The following EPHA3 variants were observed in gnomAD, a reference collection of about 807,000 sequenced individuals.
EPHA3 encodes EPH receptor A3, also known as ephrin type-A receptor 3.
In EPHA3, 42 loss-of-function variants were observed where a neutral mutation model predicts 107.1. The observed-to-expected ratio is 0.39, with a 90% CI of 0.31 to 0.51. The LOEUF (loss-of-function observed/expected upper bound fraction) is 0.51. Ranked by LOEUF, EPHA3 falls within the 20% of genes least tolerant of loss-of-function variation. The pLI, the probability that EPHA3 is intolerant of heterozygous loss-of-function variation, is 0.78. For missense variants in EPHA3, 1,183 were observed against 1,211.2 expected (o/e 0.98, Z 0.35); for synonymous variants, 461 against 424.8 (o/e 1.09, Z -1.05).
At chr3:89,447,864 C>T (rs1291896045) in intron 13 of EPHA3, among the ~76,000 whole-genome samples, 4 of 152,114 alleles carry the variant, frequency 2.6e-5, no homozygotes, top group Admixed American at 2.0e-4. Flanking sequence ...ATTGCTAATC[C>T]ATTTGTGTAA....
intron 10 of EPHA3, among the ~76,000 whole-genome samples, chr3:89,418,957 T>A (rs1312408112): frequency 4.0e-5 from 6 of 151,432 alleles, no homozygotes; most frequent in African/African-American, 1.5e-4. Context: ...TTATTTATAG[T>A]GTCGTACTTT....
chr3:89,223,447 A>T (rs1323766561), intron 3 of EPHA3, among the ~76,000 whole-genome samples: 1 of 152,198 alleles, frequency 6.6e-6, no homozygotes, highest in Non-Finnish European at 1.5e-5. Flanking sequence ...GCCATAAAGA[A>T]ATTTAAACAT....
intron 3 of EPHA3, among the ~76,000 whole-genome samples, chr3:89,228,393 C>T (rs572184701): frequency 6.6e-6 from 1 of 151,990 alleles, no homozygotes; most frequent in African/African-American, 2.4e-5. Context: ...TATTCACATA[C>T]AGGGCTGATA....
At chr3:89,429,666 A>G (rs1290489605) in intron 12 of EPHA3, among the ~76,000 whole-genome samples, 2 of 152,058 alleles carry the variant, frequency 1.3e-5, no homozygotes. Context: ...TTAATTTTTT[A>G]GATTGAGAAG....
chr3:89,320,258 C>A (rs1003473317), intron 3 of EPHA3, among the ~76,000 whole-genome samples: 1 of 151,978 alleles, frequency 6.6e-6, no homozygotes, highest in African/African-American at 2.4e-5. Flanking sequence ...TTCCATGACA[C>A]CCAAGCCTTT....
chr3:89,127,158 A>C, intron 1 of EPHA3, 51 bp from the exon 2 acceptor site: 1 of 1,414,652 alleles, frequency 7.1e-7, no homozygotes, highest in Non-Finnish European at 1.0e-6. Flanking sequence ...AGAAGCAAAT[A>C]GAAATAATTC....
intron 15 of EPHA3, among the ~76,000 whole-genome samples, chr3:89,452,362 T>A (rs1710010655): frequency 1.3e-5 from 2 of 152,182 alleles, no homozygotes; most frequent in South Asian, 2.1e-4. Flanking sequence ...CTAACAGTTG[T>A]TATCTTTTGA....
intron 2 of EPHA3, among the ~76,000 whole-genome samples, chr3:89,204,326 C>G (rs928218156): frequency 6.6e-6 from 1 of 152,104 alleles, no homozygotes; most frequent in Non-Finnish European, 1.5e-5. Context: ...ATTAAGATAA[C>G]TGTCCACATC....
intron 11 of EPHA3, 86 bp downstream of exon 11, chr3:89,419,476 C>CT (rs1209312911): frequency 1.0e-5 from 13 of 1,258,238 alleles, no homozygotes; most frequent in Non-Finnish European, 1.4e-5. Context: ...AGAATTTTGG[C>CT]TTTTTTTCAT....
intron 2 of EPHA3, among the ~76,000 whole-genome samples, chr3:89,148,225 A>G (rs1021963411): frequency 6.6e-6 from 1 of 151,928 alleles, no homozygotes; most frequent in African/African-American, 2.4e-5. Flanking sequence ...TAAAATGAAA[A>G]CACTAACATA....
chr3:89,286,027 G>A (rs1255918857), intron 3 of EPHA3, among the ~76,000 whole-genome samples: 1 of 151,992 alleles, frequency 6.6e-6, no homozygotes, highest in Non-Finnish European at 1.5e-5. Flanking sequence ...CCTTGATACT[G>A]TCTGGGAGGC....
chr3:89,237,686 C>T (rs1394149932), intron 3 of EPHA3, among the ~76,000 whole-genome samples: 1 of 152,030 alleles, frequency 6.6e-6, no homozygotes, highest in Non-Finnish European at 1.5e-5. Flanking sequence ...GAGGAATGGG[C>T]TGGGTGCCAT....
intron 11 of EPHA3, among the ~76,000 whole-genome samples, chr3:89,427,719 C>T (rs1367983561): frequency 6.6e-6 from 1 of 151,740 alleles, no homozygotes; most frequent in Non-Finnish European, 1.5e-5. Context: ...CAACAAGTTG[C>T]TTAAACCCAC....
intron 11 of EPHA3, among the ~76,000 whole-genome samples, chr3:89,425,253 T>A (rs1399237216): frequency 1.3e-5 from 2 of 151,554 alleles, no homozygotes; most frequent in African/African-American, 4.8e-5. Flanking sequence ...ATTTCAATAT[T>A]TCAGTTCAAT....
At chr3:89,394,643 G>A (rs569079713) in intron 5 of EPHA3, among the ~76,000 whole-genome samples, 6 of 152,218 alleles carry the variant, frequency 3.9e-5, no homozygotes, top group African/African-American at 7.2e-5. Context: ...ATGAGAGGTC[G>A]GATGCAAAAA....
At chr3:89,385,994 C>T (rs1199582571) in intron 5 of EPHA3, among the ~76,000 whole-genome samples, 7 of 152,158 alleles carry the variant, frequency 4.6e-5, no homozygotes, top group Non-Finnish European at 8.8e-5. Context: ...AGACTGGTGG[C>T]ATTTTGCCCC....
chr3:89,345,371 A>C (rs1410091984), intron 5 of EPHA3, among the ~76,000 whole-genome samples: 2 of 151,302 alleles, frequency 1.3e-5, no homozygotes, highest in Non-Finnish European at 3.0e-5. Context: ...ATTGGAATTC[A>C]GCATGTGTAT....
chr3:89,267,812 C>T (rs1180708690), intron 3 of EPHA3, among the ~76,000 whole-genome samples: 3 of 152,048 alleles, frequency 2.0e-5, no homozygotes, highest in African/African-American at 4.8e-5. Flanking sequence ...ACTGACTTAA[C>T]GTTTTATACT....
intron 15 of EPHA3, among the ~76,000 whole-genome samples, chr3:89,460,746 C>T (rs1710213343): frequency 6.9e-6 from 1 of 145,860 alleles, no homozygotes; most frequent in South Asian, 2.1e-4. Context: ...GGTGACTTTG[C>T]TCAGTGAATA....
Sources: gnomAD v4.1 joint callset for allele counts (sites outside exome capture counted in the v4.1 genomes callset) on GRCh38, gnomAD v4.1.1 for gene constraint, MANE v1.5 for transcripts, NCBI Gene and HGNC (gene_info 2026-07-23, HGNC 2026-07-21) for gene names.